Variants in SH3RF3 observed in about 807,000 individuals in gnomAD.
SH3RF3 encodes E3 ubiquitin-protein ligase SH3RF3.
Under a neutral mutation model 66.3 loss-of-function variants are expected in SH3RF3, and 29 were observed. The ratio of observed to expected loss-of-function variants is 0.44; its 90% confidence interval spans 0.33 to 0.60. SH3RF3 has a LOEUF of 0.60. Among genes scored for constraint, SH3RF3 ranks in the 20% least tolerant of loss-of-function variants. SH3RF3 has a pLI of 0.04. For missense variants in SH3RF3, 1,194 were observed against 1,190.9 expected, an observed-to-expected ratio of 1.00 and a Z score of -0.04; for synonymous variants, 583 against 532.0, an observed-to-expected ratio of 1.10 and a Z score of -1.32.
chr2:109,161,322 A>G (rs1208639285), intron 1 of SH3RF3, among the ~76,000 whole-genome samples: 1 of 152,028 alleles, frequency 6.6e-6, no homozygotes, highest in African/African-American at 2.4e-5. Flanking sequence ...GGTGGGGCTA[A>G]GTGTGGTATG....
Position 109,501,816 on chromosome 2 carries a change from G to A in SH3RF3, c.*145G>A. 1 of 605,692 alleles carries A rather than the reference G, an allele frequency of 1.7e-6. No homozygotes were observed. Among genetic ancestry groups the A allele is most frequent in the Non-Finnish European group, 2.9e-6 (1 of 339,958 alleles). The allele number at this position is 605,692 out of a possible 1,614,324, so 37.5% of individuals were successfully genotyped here. On this transcript the variant is annotated 3_prime_UTR_variant, in exon 10 of 10. Transcript: ENST00000309415. ...GGGGATACCCTGGCCCAGGGTGGGG[G>A]CCAGGGACTGTGGAGGTCGTGCCTT...
At chr2:109,137,914 G>T (rs1056030795) in intron 1 of SH3RF3, among the ~76,000 whole-genome samples, 2 of 152,246 alleles carry the variant, frequency 1.3e-5, no homozygotes, top group Admixed American at 6.5e-5. Flanking sequence ...TCCTGAGGCT[G>T]GGCCAGCTAA....
At chr2:109,228,755 G>C (rs1679431711) in intron 1 of SH3RF3, among the ~76,000 whole-genome samples, 1 of 152,108 alleles carries the variant, frequency 6.6e-6, no homozygotes, top group East Asian at 1.9e-4. Context: ...CTGAGCACAG[G>C]GGCTTCCGTC....
In SH3RF3 at chr2:109,371,676, G is replaced by A. The variant is rs536096274; in HGVS notation, c.940G>A (p.Val314Met). 14 of 1,613,570 alleles carry A rather than the reference G, an allele frequency of 8.7e-6. No homozygotes were observed. The highest frequency in any genetic ancestry group is 1.1e-5 in the South Asian group (1 of 90,882). The change falls in exon 3 of 10, where the codon GTG becomes ATG. Residue 314 changes from valine to methionine, a missense_variant. By Grantham distance (21) the Val-to-Met change is conservative. Transcript: ENST00000309415. ...DKIGIFPLLYVELNDSAKQLI... is the reference protein window; with the variant it reads ...DKIGIFPLLYMELNDSAKQLI... Reference sequence around the variant, plus strand: ...GATCGGGATCTTCCCGCTCCTGTACGTGGAGGTAAGACCGTGCCGCCCTCC... The same window carrying A: ...GATCGGGATCTTCCCGCTCCTGTACATGGAGGTAAGACCGTGCCGCCCTCC...
In SH3RF3 at chr2:109,477,613, G is replaced by GGTGTGTGT. The variant is rs71383845; in HGVS notation, c.2149-12969_2149-12962dup. ...TTGCTGTAACAAAATGCCACAGATG[G>GGTGTGTGT]GTGTGTGTGTGTGTGTGTGTGTGTG... On this transcript the variant is annotated intron_variant, in intron 8 of 9. Coordinates refer to ENST00000309415, the MANE Select transcript of SH3RF3 (RefSeq NM_001099289.3). Among the ~76,000 whole-genome samples the GGTGTGTGT allele has an allele frequency of 6.2e-3, 924 of 149,448 alleles. 4 individuals carry two copies. Among genetic ancestry groups the GGTGTGTGT allele is most frequent in the Non-Finnish European group, 8.5e-3 (574 of 67,230 alleles).
chr2:109,308,167 T>C (rs1220246982), intron 1 of SH3RF3, among the ~76,000 whole-genome samples: 1 of 139,564 alleles, frequency 7.2e-6, no homozygotes, highest in Non-Finnish European at 1.5e-5. Flanking sequence ...ATTTCCCTGA[T>C]GGCCAGTGAT....
Position 109,449,282 on chromosome 2 carries a change from G to A in SH3RF3, c.1941G>A (p.Val647=). Residue 647 remains valine, a synonymous_variant, in exon 8 of 10, where the codon GTG becomes GTA. Transcript: ENST00000309415. The part of the protein sequence containing the change: ...LPATSLRPHS[V]VSPQHSHQPP... ...CCACCAGCCTCAGGCCCCACTCGGT[G>A]GTGTCCCCGCAGCACAGCCACCAGC... 2 of 1,610,276 alleles carry A rather than the reference G, an allele frequency of 1.2e-6. No individual in the cohort carries two copies. The highest frequency in any genetic ancestry group is 1.1e-5 in the South Asian group (1 of 90,338).
intron 1 of SH3RF3, among the ~76,000 whole-genome samples, chr2:109,310,332 A>G (rs1681696901): frequency 2.2e-5 from 1 of 46,442 alleles, no homozygotes; most frequent in Admixed American, 2.9e-4. Context: ...TCTGGGACAC[A>G]TTCAAAGCAG....
chr2:109,199,327 GTAAAA>G (rs1558953510), intron 1 of SH3RF3, among the ~76,000 whole-genome samples: 137 of 1,326 alleles, frequency 0.1, 1 homozygote, highest in African/African-American at 0.16. Flanking sequence ...ATCTCAAAAA[GTAAAA>G]TGGAATGGAA....
At position 109,479,749 on chromosome 2, in the gene SH3RF3, TA is replaced by T. The variant is rs1483030433; in HGVS notation, c.2149-10852del. Among the ~76,000 whole-genome samples, 7 of 152,220 alleles carry T rather than the reference TA, an allele frequency of 4.6e-5. No homozygotes were observed. The East Asian group carries it at 1.3e-3, about 29-fold the overall frequency. On this transcript the variant is annotated intron_variant, in intron 8 of 9. Coordinates refer to ENST00000309415, the MANE Select transcript of SH3RF3 (RefSeq NM_001099289.3). The stretch of plus-strand genomic sequence containing the variant: ...GGAATGAACCCCCTTGTGAACCTGC[TA>T]AAAGCCAATTATCCACACTGCTCTT...
At chr2:109,189,105 G>T (rs1339202393) in intron 1 of SH3RF3, among the ~76,000 whole-genome samples, 1 of 152,076 alleles carries the variant, frequency 6.6e-6, no homozygotes, top group Non-Finnish European at 1.5e-5. Context: ...TGAGAGAGAT[G>T]CCTCCACTGC....
At chr2:109,402,269 G>A (rs1026945391) in intron 4 of SH3RF3, among the ~76,000 whole-genome samples, 9 of 152,248 alleles carry the variant, frequency 5.9e-5, no homozygotes, top group African/African-American at 2.2e-4. Flanking sequence ...GCCCATGGCA[G>A]CCAAGGCGAG....
At chr2:109,490,268 T>C (rs36195012) in intron 8 of SH3RF3, among the ~76,000 whole-genome samples, 93,200 of 151,884 alleles carry the variant, frequency 0.61, 29,384 homozygotes, top group Middle Eastern at 0.78. Context: ...GCTTACTGCT[T>C]GACTCCGGAG....
chr2:109,372,371 T>C (rs1313884268), intron 3 of SH3RF3, among the ~76,000 whole-genome samples: 2 of 152,238 alleles, frequency 1.3e-5, no homozygotes, highest in African/African-American at 2.4e-5. Context: ...ATGGCGTGTG[T>C]GTCTGCCATT....
chr2:109,455,728 G>A (rs966433006), intron 8 of SH3RF3, among the ~76,000 whole-genome samples: 5 of 152,150 alleles, frequency 3.3e-5, no homozygotes, highest in South Asian at 2.1e-4. Flanking sequence ...ACCCTTACTC[G>A]TCCATCCCAG....
intron 2 of SH3RF3, among the ~76,000 whole-genome samples, chr2:109,369,579 G>T (rs534206721): frequency 3.9e-5 from 6 of 152,262 alleles, no homozygotes; most frequent in South Asian, 2.1e-4. Flanking sequence ...CTGGGGGTTG[G>T]GGGAGAGGAT....
intron 1 of SH3RF3, among the ~76,000 whole-genome samples, chr2:109,307,091 ATTCT>A (rs1268774447): frequency 6.6e-6 from 1 of 152,226 alleles, no homozygotes; most frequent in African/African-American, 2.4e-5. Context: ...ATCAACAGAC[ATTCT>A]TTATTTCTCT....
intron 1 of SH3RF3, among the ~76,000 whole-genome samples, chr2:109,175,378 A>G (rs1356076971): frequency 6.6e-6 from 1 of 152,248 alleles, no homozygotes; most frequent in Admixed American, 6.5e-5. Flanking sequence ...TTGAAAAGCA[A>G]ACGCTGGTGA....
intron 1 of SH3RF3, among the ~76,000 whole-genome samples, chr2:109,162,697 G>A (rs559349830): frequency 1.3e-5 from 2 of 152,350 alleles, no homozygotes; most frequent in Admixed American, 6.5e-5. Context: ...ACGTGTGCAT[G>A]TGTCTTTATA....
Sources: gnomAD v4.1 joint callset for allele counts (sites outside exome capture counted in the v4.1 genomes callset) on GRCh38, gnomAD v4.1.1 for gene constraint, MANE v1.5 for transcripts, NCBI Gene and HGNC (gene_info 2026-07-23, HGNC 2026-07-21) for gene names.